The following FAS variants were observed in gnomAD, a reference collection of about 807,000 sequenced individuals.
FAS encodes tumor necrosis factor receptor superfamily member 6.
In FAS, 5 loss-of-function variants were observed where a neutral mutation model predicts 33.2. That is an observed-to-expected ratio of 0.15 (90% confidence interval 0.08 to 0.32). The LOEUF (loss-of-function observed/expected upper bound fraction) is 0.32. FAS is among the 10% of genes least tolerant of loss of function. FAS has a pLI of 1.00. For missense variants in FAS, 339 were observed against 386.0 expected (o/e 0.88, Z 1.02); for synonymous variants, 131 against 130.7 (o/e 1.00, Z -0.01).
chr10:89,014,359 T>A lies in FAS; in HGVS notation c.917T>A (p.Leu306His). The change falls in exon 9 of 9, where the codon CTT becomes CAT. Residue 306 changes from leucine to histidine, a missense_variant. Transcript: ENST00000652046. ...KDLKKANLCT[L>H]AEKIQTIILK... Reference sequence around the variant, plus strand: ...CTCAAAAAAGCCAATCTTTGTACTCTTGCAGAGAAAATTCAGACTATCATC... The same window carrying A: ...CTCAAAAAAGCCAATCTTTGTACTCATGCAGAGAAAATTCAGACTATCATC... The A allele has an allele frequency of 6.2e-7, 1 of 1,613,826 alleles. No individual in the cohort carries two copies. Among genetic ancestry groups the A allele is most frequent in the Non-Finnish European group, 8.5e-7 (1 of 1,179,926 alleles).
At chr10:88,991,435 C>T (rs1438999444) in intron 1 of FAS, 1 of 209,682 alleles carries the variant, frequency 4.8e-6, no homozygotes, top group African/African-American at 2.4e-5. Context: ...TCTGGCAGTT[C>T]TCAGACGTAG....
intron 7 of FAS, 114 bp downstream of exon 7, chr10:89,012,195 T>G: frequency 5.5e-6 from 5 of 916,620 alleles, no homozygotes; most frequent in Non-Finnish European, 8.6e-6. Flanking sequence ...TCATTTTGTT[T>G]GAGATGGAGT....
Position 89,015,134 on chromosome 10 carries a change from CT to C in FAS, c.*685del, listed in dbSNP as rs1848736496. 1 of 534,664 alleles carries C rather than the reference CT, an allele frequency of 1.9e-6. No homozygotes were observed. The highest frequency in any genetic ancestry group is 1.5e-5 in the South Asian group (1 of 65,178). 33.1% of individuals were successfully genotyped at this position (534,664 alleles called of 1,614,324 possible). ...GTGTATGCATTTTACTGGCTCAAAACTACCTACTTCTTTCTCAGGCATCAAA... is the reference window on the plus strand; with the variant it reads ...GTGTATGCATTTTACTGGCTCAAAACACCTACTTCTTTCTCAGGCATCAAA... On this transcript the variant is annotated 3_prime_UTR_variant, in exon 9 of 9. Coordinates refer to ENST00000652046, the MANE Select transcript of FAS (RefSeq NM_000043.6).
At position 89,015,231 on chromosome 10, in the gene FAS, T is replaced by TATTA; in HGVS notation, c.*781_*782insATTA. The TATTA allele has an allele frequency of 3.7e-6, 2 of 534,870 alleles. No homozygotes were observed. The allele number at this position is 534,870 out of a possible 1,614,324, so 33.1% of individuals were successfully genotyped here. A position where few individuals can be genotyped will look rare whatever the true frequency, so the allele number is the denominator to read the frequency against. Reference sequence around the variant, plus strand: ...ATTTTTGCCTTGGTGCTCATCTTAATGGCCTAATGCACCCCCAAACATGGA... The same window carrying TATTA: ...ATTTTTGCCTTGGTGCTCATCTTAATATTAGGCCTAATGCACCCCCAAACATGGA... On this transcript the variant is annotated 3_prime_UTR_variant, in exon 9 of 9. Transcript: ENST00000652046.
At chr10:88,975,501 T>A (rs907749047) in intron 2 of FAS, among the ~76,000 whole-genome samples, 1 of 152,128 alleles carries the variant, frequency 6.6e-6, no homozygotes, top group African/African-American at 2.4e-5. Context: ...ACGTAAAGAA[T>A]CAGGTGGAAC....
Position 89,016,029 on chromosome 10 carries a change from G to T in FAS, c.*1579G>T. The T allele has an allele frequency of 4.2e-6, 1 of 239,556 alleles. No individual in the cohort carries two copies. The highest frequency in any genetic ancestry group is 8.2e-6 in the Non-Finnish European group (1 of 121,378). 14.8% of individuals were successfully genotyped at this position (239,556 alleles called of 1,614,324 possible). On this transcript the variant is annotated 3_prime_UTR_variant, in exon 9 of 9. Transcript: ENST00000652046. The stretch of plus-strand genomic sequence containing the variant: ...TTTCGTATTCCAGATACTGGAATGT[G>T]GATAAGAAAGTATACATTTCAAGGG...
intron 2 of FAS, among the ~76,000 whole-genome samples, chr10:88,975,892 C>T (rs1480816132): frequency 1.3e-5 from 2 of 152,034 alleles, no homozygotes; most frequent in Admixed American, 1.3e-4. Flanking sequence ...TTGTGTTATA[C>T]CATAATACTA....
At chr10:88,975,642 A>ATT (rs564584574) in intron 2 of FAS, among the ~76,000 whole-genome samples, 1 of 148,778 alleles carries the variant, frequency 6.7e-6, no homozygotes, top group Non-Finnish European at 1.5e-5. Context: ...TGAGAGTAGG[A>ATT]TTTTTTTTTT....
At chr10:88,964,866 CT>C (rs1345776786) in intron 1 of FAS, among the ~76,000 whole-genome samples, 1 of 152,128 alleles carries the variant, frequency 6.6e-6, no homozygotes, top group Non-Finnish European at 1.5e-5. Flanking sequence ...TTGTAACTTT[CT>C]TTTGCCCGCC....
intron 1 of FAS, among the ~76,000 whole-genome samples, chr10:88,994,348 T>G (rs898482358): frequency 3.9e-5 from 6 of 152,242 alleles, no homozygotes; most frequent in Non-Finnish European, 7.3e-5. Flanking sequence ...CAAATTATCT[T>G]GGGCCCCAAA....
exon 2 of FAS, chr10:88,973,280 C>G (rs1053120183): frequency 1.2e-6 from 2 of 1,612,054 alleles, no homozygotes; most frequent in African/African-American, 2.7e-5. Context: ...TCTTGGGGAT[C>G]TCTAGGTCAT....
upstream of FAS, among the ~76,000 whole-genome samples, chr10:88,990,168 C>T (rs1847077702): frequency 6.6e-6 from 1 of 152,158 alleles, no homozygotes; most frequent in Admixed American, 6.5e-5. The surrounding 1 kb of genome is among the most constrained non-coding windows in gnomAD (Gnocchi z 4.9). Context: ...TATGGCGCAA[C>T]ATCTGTACTT....
chr10:89,001,132 C>T (rs1359172441), intron 1 of FAS, among the ~76,000 whole-genome samples: 2 of 152,152 alleles, frequency 1.3e-5, no homozygotes, highest in Admixed American at 1.3e-4. Flanking sequence ...TTGCTTTTGT[C>T]TCTCTAAATC....
chr10:88,974,819 A>G (rs558774386), intron 2 of FAS: 1 of 152,342 alleles, frequency 6.6e-6, no homozygotes, highest in East Asian at 1.9e-4. Flanking sequence ...GCCAAAAAAT[A>G]TGTGGAACGT....
intron 1 of FAS, 167 bp from the exon 2 acceptor site, chr10:89,002,862 A>G (rs1848006423): frequency 2.8e-6 from 2 of 708,800 alleles, no homozygotes; most frequent in Non-Finnish European, 4.9e-6. Context: ...CTGCTATACA[A>G]GTGACCTGCT....
chr10:88,986,607 C>T (rs982802810), upstream of FAS, among the ~76,000 whole-genome samples: 2 of 151,930 alleles, frequency 1.3e-5, no homozygotes, highest in Non-Finnish European at 2.9e-5. Flanking sequence ...TCTTAGGCTT[C>T]AGGAATGTGA....
chr10:89,010,097 G>T (rs569894344), intron 4 of FAS, among the ~76,000 whole-genome samples: 4 of 152,306 alleles, frequency 2.6e-5, no homozygotes, highest in African/African-American at 9.6e-5. Flanking sequence ...CTAAGGGCCA[G>T]CTGAGTACCC....
intron 1 of FAS, chr10:88,973,173 G>A (rs1287518750): frequency 6.2e-7 from 1 of 1,610,708 alleles, no homozygotes; most frequent in South Asian, 1.1e-5. Flanking sequence ...TCTTCTGTGT[G>A]ACCTATAGAT....
In FAS at chr10:89,015,599, T is replaced by C. The variant is rs1377935031; in HGVS notation, c.*1149T>C. The C allele has an allele frequency of 5.9e-6, 3 of 506,572 alleles. No homozygotes were observed. The highest frequency in any genetic ancestry group is 1.1e-5 in the Non-Finnish European group (3 of 265,058). The allele number at this position is 506,572 out of a possible 1,614,324, so 31.4% of individuals were successfully genotyped here. ...ACGTTTAAATATCTTTGAAAGTTTGTATTAAATGTGAATTTTAAGAAATAA... is the reference window on the plus strand; with the variant it reads ...ACGTTTAAATATCTTTGAAAGTTTGCATTAAATGTGAATTTTAAGAAATAA... On this transcript the variant is annotated 3_prime_UTR_variant, in exon 9 of 9. Transcript: ENST00000652046.
Sources: gnomAD v4.1 joint callset for allele counts (sites outside exome capture counted in the v4.1 genomes callset) on GRCh38, gnomAD v4.1.1 for gene constraint, Gnocchi (gnomAD v3.1) non-coding constraint, MANE v1.5 for transcripts, NCBI Gene and HGNC (gene_info 2026-07-23, HGNC 2026-07-21) for gene names.